The following IGF2R variants were observed in gnomAD, a reference collection of about 807,000 sequenced individuals.
The protein encoded by IGF2R is cation-independent mannose-6-phosphate receptor.
Under a neutral mutation model 270.6 loss-of-function variants are expected in IGF2R, and 91 were observed. The observed-to-expected ratio is 0.34, with a 90% CI of 0.28 to 0.40. The LOEUF is 0.40. Ranked by LOEUF, IGF2R falls within the 10% of genes least tolerant of loss-of-function variation. IGF2R has a pLI of 1.00. For synonymous variants in IGF2R, 1,316 were observed against 1,258.9 expected, an observed-to-expected ratio of 1.05 and a Z score of -0.96; for missense variants, 2,805 against 3,188.3, an observed-to-expected ratio of 0.88 and a Z score of 2.90.
At chr6:160,008,715 C>T (rs186409299) in intron 2 of IGF2R, among the ~76,000 whole-genome samples, 16 of 151,974 alleles carry the variant, frequency 1.1e-4, no homozygotes, top group African/African-American at 3.9e-4. Flanking sequence ...ATTGCTGGAG[C>T]GCAGGTAGTG....
At chr6:160,033,728 C>T (rs1419115428) in intron 9 of IGF2R, among the ~76,000 whole-genome samples, 1 of 152,152 alleles carries the variant, frequency 6.6e-6, no homozygotes, top group Non-Finnish European at 1.5e-5. Flanking sequence ...TTTTAAAATT[C>T]GTTTTTAAGG....
chr6:160,006,317 C>T (rs1156294819), intron 2 of IGF2R: 1 of 154,664 alleles, frequency 6.5e-6, no homozygotes, highest in Non-Finnish European at 1.4e-5. Context: ...TCCAGCTGCG[C>T]ATCTCCCTAG....
intron 3 of IGF2R, among the ~76,000 whole-genome samples, chr6:160,009,575 A>G (rs935037226): frequency 2.0e-5 from 3 of 152,200 alleles, no homozygotes; most frequent in Admixed American, 1.3e-4. Flanking sequence ...GCCCGTGGGT[A>G]TGGGGTTCTC....
chr6:160,090,503 G>A (rs1779196451), intron 44 of IGF2R, among the ~76,000 whole-genome samples: 1 of 152,172 alleles, frequency 6.6e-6, no homozygotes, highest in South Asian at 2.1e-4. Flanking sequence ...AAGGATGAAA[G>A]GAAACTGGCC....
At chr6:160,067,382 A>G (rs76469172) in intron 29 of IGF2R, among the ~76,000 whole-genome samples, 25 of 151,458 alleles carry the variant, frequency 1.7e-4, no homozygotes, top group African/African-American at 5.8e-4. Context: ...CGAACTTCAT[A>G]TCCCCCTTAT....
intron 29 of IGF2R, among the ~76,000 whole-genome samples, chr6:160,066,845 C>T (rs1485117361): frequency 6.6e-6 from 1 of 152,212 alleles, no homozygotes. Context: ...ATTCACTAAG[C>T]TCTGTTCTTG....
At chr6:159,995,915 T>A (rs1036084494) in intron 2 of IGF2R, among the ~76,000 whole-genome samples, 37 of 137,264 alleles carry the variant, frequency 2.7e-4, no homozygotes, top group African/African-American at 8.3e-4. Context: ...TTTTTTTTTT[T>A]AATACTTCTA....
At position 160,102,496 on chromosome 6, in the gene IGF2R, C is replaced by G; in HGVS notation, c.6843-23C>G. ...AGCAGGACCACCCTGTGACACGGCTCCTTTTCTGTGACGTCCTTGCAGGGT... is the reference window on the plus strand; with the variant it reads ...AGCAGGACCACCCTGTGACACGGCTGCTTTTCTGTGACGTCCTTGCAGGGT... On this transcript the variant is annotated intron_variant, in intron 45 of 47. Coordinates refer to ENST00000356956, the MANE Select transcript of IGF2R (RefSeq NM_000876.4). This position sits in a 1 kb window ranked among gnomAD's most constrained non-coding sequence, Gnocchi z 4.5. 1 of 1,605,668 alleles carries G rather than the reference C, an allele frequency of 6.2e-7. No individual in the cohort carries two copies. The highest frequency in any genetic ancestry group is 8.5e-7 in the Non-Finnish European group (1 of 1,175,164).
chr6:160,069,859 G>T lies in IGF2R; in HGVS notation c.4253-9G>T. Reference sequence around the variant, plus strand: ...TAAAGGCAACTCTTTCTTGTGTCTGGTGCTGCAGAGCCGTGCCCTCCAGAA... The same window carrying T: ...TAAAGGCAACTCTTTCTTGTGTCTGTTGCTGCAGAGCCGTGCCCTCCAGAA... On this transcript the variant is annotated splice_polypyrimidine_tract_variant and intron_variant, in intron 30 of 47. Coordinates refer to ENST00000356956, the MANE Select transcript of IGF2R (RefSeq NM_000876.4). 1 of 1,612,876 alleles carries T rather than the reference G, an allele frequency of 6.2e-7. No individual in the cohort carries two copies. The highest frequency in any genetic ancestry group is 8.5e-7 in the Non-Finnish European group (1 of 1,179,312).
chr6:160,001,085 C>T (rs1373375019), intron 2 of IGF2R, among the ~76,000 whole-genome samples: 2 of 152,030 alleles, frequency 1.3e-5, no homozygotes, highest in East Asian at 1.9e-4. Flanking sequence ...AACCCCCGGG[C>T]CACAGACTGG....
At chr6:160,064,671 G>T in intron 28 of IGF2R, 133 bp from the exon 29 acceptor site, 1 of 1,139,244 alleles carries the variant, frequency 8.8e-7, no homozygotes. Context: ...CAGAAAATAT[G>T]TTGAAACTTT....
intron 39 of IGF2R, among the ~76,000 whole-genome samples, chr6:160,082,634 A>G (rs952674772): frequency 6.6e-6 from 1 of 152,008 alleles, no homozygotes; most frequent in Non-Finnish European, 1.5e-5. Flanking sequence ...CGTGATCATT[A>G]GTAGATTGGT....
At chr6:160,096,153 G>C in intron 44 of IGF2R, 1 of 292,090 alleles carries the variant, frequency 3.4e-6, no homozygotes, top group East Asian at 6.9e-5. Flanking sequence ...TTAATCCACG[G>C]TTGTGCCTTA....
chr6:160,054,498 G>C (rs190250880), intron 19 of IGF2R, among the ~76,000 whole-genome samples: 25 of 152,278 alleles, frequency 1.6e-4, no homozygotes, highest in Non-Finnish European at 3.2e-4. Flanking sequence ...AAAAGGGATG[G>C]ACGTTGTCAG....
chr6:160,085,369 C>A (rs938130975), intron 41 of IGF2R, among the ~76,000 whole-genome samples: 3 of 152,058 alleles, frequency 2.0e-5, no homozygotes, highest in African/African-American at 4.8e-5. Context: ...TGGGCTATCT[C>A]GGGGAAGTGC....
Position 160,102,823 on chromosome 6 carries a change from C to G in IGF2R, c.6995+152C>G. On this transcript the variant is annotated intron_variant, in intron 46 of 47. Transcript: ENST00000356956. The surrounding 1 kb of genome is among the most constrained non-coding windows in gnomAD (Gnocchi z 4.5). ...TAGTCCAAAACTCTCTGGAAGCAGT[C>G]CCCAGCGTTGTGGTTTTTAAATGCC... 3.2e-6 allele frequency: 3 copies of G among 937,322 alleles called. No homozygotes were observed. The highest frequency in any genetic ancestry group is 4.7e-6 in the Non-Finnish European group (3 of 641,822). 58.1% of individuals were successfully genotyped at this position (937,322 alleles called of 1,614,324 possible).
rs772145814 is a variant in IGF2R, at chr6:160,068,399, T to G, written c.4252+14T>G. ...AGGCTGGCACTGGTGAGAGAGGGCC[T>G]CCTCGTGGGGTGGTGTTTGCAGTGA... is the stretch of plus-strand genomic sequence containing the variant. On this transcript the variant is annotated intron_variant, in intron 30 of 47. Transcript: ENST00000356956. 1.9e-6 allele frequency: 3 copies of G among 1,612,900 alleles called. No individual in the cohort carries two copies. The highest frequency in any genetic ancestry group is 1.1e-5 in the South Asian group (1 of 91,024).
intron 45 of IGF2R, among the ~76,000 whole-genome samples, chr6:160,101,776 C>T (rs1001140833): frequency 2.0e-5 from 3 of 152,216 alleles, no homozygotes; most frequent in South Asian, 2.1e-4. Flanking sequence ...GGGAAGTCTC[C>T]GTGGTTGTTT....
rs59035193 is a variant in IGF2R at position 160,065,814 on chromosome 6, G to GTATATATA, written c.4115+937_4115+944dup. Among the ~76,000 whole-genome samples, 367 of 78,274 alleles carry GTATATATA rather than the reference G, an allele frequency of 4.7e-3. 2 individuals carry two copies. Among genetic ancestry groups the GTATATATA allele is most frequent in the Non-Finnish European group, 6.4e-3 (276 of 42,912 alleles). The allele number at this position is 78,274 out of a possible 152,430, so 51.4% of individuals were successfully genotyped here. On this transcript the variant is annotated intron_variant, in intron 29 of 47. Transcript: ENST00000356956. ...TGTGTGTGTGTGTGTGTGTGTGTGT[G>GTATATATA]TATATATATATATATATATATATAT... is the stretch of plus-strand genomic sequence containing the variant.
Sources: gnomAD v4.1 joint callset for allele counts (sites outside exome capture counted in the v4.1 genomes callset) on GRCh38, gnomAD v4.1.1 for gene constraint, Gnocchi (gnomAD v3.1) non-coding constraint, MANE v1.5 for transcripts, NCBI Gene and HGNC (gene_info 2026-07-23, HGNC 2026-07-21) for gene names.